Variants in TAFA4 observed in about 807,000 individuals in gnomAD.
TAFA4 encodes TAFA chemokine like family member 4, also known as chemokine-like protein TAFA-4.
A neutral mutation model predicts 21.1 loss-of-function variants in TAFA4; 20 were observed. The ratio of observed to expected loss-of-function variants is 0.95; its 90% CI spans 0.67 to 1.38. TAFA4 has a LOEUF of 1.38. TAFA4 is among the 40% of genes most tolerant of loss of function. The pLI is 0.00. For synonymous variants in TAFA4, 71 were observed against 67.4 expected, an observed-to-expected ratio of 1.05 and a Z score of -0.26; for missense variants, 211 against 180.9, an observed-to-expected ratio of 1.17 and a Z score of -0.95.
intron 3 of TAFA4, among the ~76,000 whole-genome samples, chr3:68,770,045 T>A (rs1048445337): frequency 5.3e-5 from 8 of 152,092 alleles, no homozygotes; most frequent in African/African-American, 1.9e-4. Context: ...TATCCCTGCA[T>A]AGGACTATGC....
At chr3:68,926,447 G>C (rs1211181545) in intron 1 of TAFA4, among the ~76,000 whole-genome samples, 14 of 152,060 alleles carry the variant, frequency 9.2e-5, no homozygotes, top group Admixed American at 7.9e-4. Flanking sequence ...TTTCAAAACA[G>C]AAGCCTAGGG....
intron 4 of TAFA4, among the ~76,000 whole-genome samples, chr3:68,746,152 CTGGGCTCTCAGGCCTTCAGCCA>C (rs1040249062): frequency 2.0e-5 from 3 of 152,116 alleles, no homozygotes; most frequent in Non-Finnish European, 4.4e-5. Flanking sequence ...CCCAGGGGCT[CTGGGCTCTCAGGCCTTCAGCCA>C]TGGGCTGAAG....
intron 3 of TAFA4, among the ~76,000 whole-genome samples, chr3:68,811,646 C>G (rs1368151198): frequency 6.6e-6 from 1 of 152,160 alleles, no homozygotes; most frequent in Non-Finnish European, 1.5e-5. Context: ...AAGAAATGAA[C>G]AAAGCCTCCA....
chr3:68,851,900 G>C (rs1704959877), intron 3 of TAFA4, among the ~76,000 whole-genome samples: 1 of 152,082 alleles, frequency 6.6e-6, no homozygotes, highest in Admixed American at 6.5e-5. Flanking sequence ...GGACAAGGGT[G>C]AGCAAAGGTT....
At chr3:68,744,452 A>C (rs1018968332) in intron 4 of TAFA4, among the ~76,000 whole-genome samples, 3 of 152,260 alleles carry the variant, frequency 2.0e-5, no homozygotes, top group Admixed American at 1.3e-4. Context: ...TGGGTGCCAG[A>C]AGAGTTTGAG....
In TAFA4 at chr3:68,885,502, AGT is replaced by A. The variant is rs143252845; in HGVS notation, c.-122-194_-122-193del. ...GGGAGGAAAAGATATAGAATTCTAC[AGT>A]CATTAATTAGCCACATATTAGTTAA... On this transcript the variant is annotated intron_variant, in intron 1 of 5. Transcript: ENST00000295569. 9.5e-3 allele frequency among the ~76,000 whole-genome samples: 1,444 copies of A among 152,324 alleles called. 10 individuals carry two copies. The highest frequency in any genetic ancestry group is 0.027 in the Middle Eastern group (8 of 294).
At chr3:68,852,198 G>A (rs1025818722) in intron 3 of TAFA4, among the ~76,000 whole-genome samples, 1 of 152,160 alleles carries the variant, frequency 6.6e-6, no homozygotes, top group Admixed American at 6.5e-5. Flanking sequence ...TAGGACCAAA[G>A]TTTGGAGAGA....
At chr3:68,874,289 A>G (rs2089521346) in intron 3 of TAFA4, among the ~76,000 whole-genome samples, 1 of 152,148 alleles carries the variant, frequency 6.6e-6, no homozygotes, top group Admixed American at 6.6e-5. Flanking sequence ...GGGTTTTTAA[A>G]TGTCCCTTCA....
chr3:68,773,254 C>G (rs181765520), intron 3 of TAFA4, among the ~76,000 whole-genome samples: 2 of 152,100 alleles, frequency 1.3e-5, no homozygotes, highest in African/African-American at 4.8e-5. Flanking sequence ...AATGACTCAT[C>G]GAACTCAGCA....
At chr3:68,791,121 G>A (rs1703353215) in intron 3 of TAFA4, among the ~76,000 whole-genome samples, 1 of 152,142 alleles carries the variant, frequency 6.6e-6, no homozygotes, top group Non-Finnish European at 1.5e-5. Flanking sequence ...ATGGCCCTGG[G>A]GCACTAGTCA....
chr3:68,924,189 T>A (rs1346430587), intron 1 of TAFA4, among the ~76,000 whole-genome samples: 1 of 152,194 alleles, frequency 6.6e-6, no homozygotes, highest in African/African-American at 2.4e-5. Flanking sequence ...TGTATACCTA[T>A]GTTCATAGCA....
intron 3 of TAFA4, among the ~76,000 whole-genome samples, chr3:68,860,062 C>G (rs1364189797): frequency 6.6e-6 from 1 of 152,022 alleles, no homozygotes; most frequent in African/African-American, 2.4e-5. Context: ...AGCTTTTTAA[C>G]CTAAGATATT....
chr3:68,861,734 C>G (rs2089347589), intron 3 of TAFA4, among the ~76,000 whole-genome samples: 1 of 151,956 alleles, frequency 6.6e-6, no homozygotes, highest in African/African-American at 2.4e-5. Context: ...TTCAAACATT[C>G]ACTTACTTCT....
chr3:68,733,139 T>C lies in TAFA4; in HGVS notation c.*3A>G, dbSNP rs763860241. On this transcript the variant is annotated 3_prime_UTR_variant, in exon 6 of 6. Transcript: ENST00000295569. ...CCAGGATTGAAGCACACCTCTCTCT[T>C]CGCTACCGCGTTACCTAAAACAAAT... 5.6e-6 allele frequency: 9 copies of C among 1,613,196 alleles called. No individual in the cohort carries two copies. Among genetic ancestry groups the C allele is most frequent in the Non-Finnish European group, 7.6e-6 (9 of 1,179,442 alleles).
At chr3:68,807,788 G>A (rs1559527513) in intron 3 of TAFA4, among the ~76,000 whole-genome samples, 1 of 152,138 alleles carries the variant, frequency 6.6e-6, no homozygotes, top group Non-Finnish European at 1.5e-5. Context: ...ACATAAGATT[G>A]CTTTGTATTA....
chr3:68,824,016 C>G (rs114576577), intron 3 of TAFA4, among the ~76,000 whole-genome samples: 2,138 of 152,166 alleles, frequency 0.014, 44 homozygotes, highest in African/African-American at 0.049. Flanking sequence ...ACCATCCTGC[C>G]AAAGGGATCC....
chr3:68,782,056 G>C (rs1703163435), intron 3 of TAFA4, among the ~76,000 whole-genome samples: 1 of 152,132 alleles, frequency 6.6e-6, no homozygotes, highest in Middle Eastern at 3.4e-3. Flanking sequence ...TTCAAGAGTA[G>C]AAAAACAACG....
chr3:68,810,865 G>A (rs1703820299), intron 3 of TAFA4, among the ~76,000 whole-genome samples: 1 of 152,316 alleles, frequency 6.6e-6, no homozygotes, highest in South Asian at 2.1e-4. Flanking sequence ...AGAACGGACA[G>A]ACTGCAACCT....
chr3:68,834,629 C>T (rs1704479077), intron 3 of TAFA4, among the ~76,000 whole-genome samples: 1 of 152,036 alleles, frequency 6.6e-6, no homozygotes, highest in Non-Finnish European at 1.5e-5. Context: ...CCTCTTTCAC[C>T]TCCCACACCT....
Sources: gnomAD v4.1 joint callset for allele counts (sites outside exome capture counted in the v4.1 genomes callset) on GRCh38, gnomAD v4.1.1 for gene constraint, MANE v1.5 for transcripts, NCBI Gene and HGNC (gene_info 2026-07-23, HGNC 2026-07-21) for gene names.